Variants in MAP2K2 observed in about 807,000 individuals in gnomAD.
MAP2K2 encodes the protein mitogen-activated protein kinase kinase 2.
Under a neutral mutation model 43.7 loss-of-function variants are expected in MAP2K2, and 24 were observed. The observed-to-expected ratio is 0.55, with a 90% CI of 0.40 to 0.77. The LOEUF (loss-of-function observed/expected upper bound fraction) is 0.77, where lower values mean the gene tolerates loss of function less well. MAP2K2 is among the 30% of genes least tolerant of loss of function. The pLI is 0.00. For synonymous variants in MAP2K2, 244 were observed against 239.7 expected, an observed-to-expected ratio of 1.02 and a Z score of -0.17; for missense variants, 470 against 566.8, an observed-to-expected ratio of 0.83 and a Z score of 1.73.
intron 3 of MAP2K2, among the ~76,000 whole-genome samples, chr19:4,109,521 C>T (rs1350976878): frequency 6.6e-6 from 1 of 152,204 alleles, no homozygotes. Context: ...TCACTGTAGC[C>T]TCAACCTCCT....
intron 7 of MAP2K2, among the ~76,000 whole-genome samples, chr19:4,097,790 C>T (rs1485857395): frequency 6.6e-6 from 1 of 152,068 alleles, no homozygotes; most frequent in Non-Finnish European, 1.5e-5. Context: ...GGTGGCTGAC[C>T]CCTGTCTGAG....
intron 3 of MAP2K2, among the ~76,000 whole-genome samples, chr19:4,108,490 A>T (rs988716660): frequency 6.6e-6 from 1 of 150,930 alleles, no homozygotes. Flanking sequence ...CGATCTCCTG[A>T]ACTCGCCTCG....
Position 4,103,367 on chromosome 19 carries a change from G to A in MAP2K2, c.451-914C>T, listed in dbSNP as rs556886345. Reference sequence around the variant, plus strand: ...CAAATGCCAAAACCCCAGGCACTGGGAGCCACCCAAGGTGCCTCTTCAGAG... The same window carrying A: ...CAAATGCCAAAACCCCAGGCACTGGAAGCCACCCAAGGTGCCTCTTCAGAG... On this transcript the variant is annotated intron_variant, in intron 3 of 10. Coordinates refer to ENST00000262948, the MANE Select transcript of MAP2K2 (RefSeq NM_030662.4). The A allele has an allele frequency of 1.6e-5, 10 of 621,852 alleles. No homozygotes were observed. In the East Asian group the frequency reaches 1.3e-3, roughly 78 times the overall value. The allele number at this position is 621,852 out of a possible 1,614,324, so 38.5% of individuals were successfully genotyped here. A position where few individuals can be genotyped will look rare whatever the true frequency, so the allele number is the denominator to read the frequency against.
chr19:4,099,147 G>C (rs1457397337), intron 7 of MAP2K2, 54 bp downstream of exon 7: 21 of 1,465,916 alleles, frequency 1.4e-5, no homozygotes, highest in Non-Finnish European at 1.8e-5. Context: ...GGCACAGCAG[G>C]CCCCGCGCAG....
At position 4,099,366 on chromosome 19, in the gene MAP2K2, T is replaced by C; in HGVS notation, c.754A>G (p.Ser252Gly). ...THYSVQSDIW[S>G]MGLSLVELAV... ...AGCTCCACCAGGGACAGGCCCATGC[T>C]CCAGATGTCCGACTGCACCGAGTAA... The change falls in exon 7 of 11, where the codon AGC (serine) becomes GGC (glycine). Residue 252 changes from serine (S) to glycine (G), a missense_variant. Coordinates refer to ENST00000262948, the MANE Select transcript of MAP2K2 (RefSeq NM_030662.4). 6.2e-7 allele frequency: 1 copy of C among 1,611,708 alleles called. No individual in the cohort carries two copies. Among genetic ancestry groups the C allele is most frequent in the Non-Finnish European group, 8.5e-7 (1 of 1,179,326 alleles).
At chr19:4,102,273 C>G in intron 4 of MAP2K2, 103 bp downstream of exon 4, 1 of 1,027,670 alleles carries the variant, frequency 9.7e-7, no homozygotes, top group Non-Finnish European at 1.5e-6. Flanking sequence ...AGGGGCCACC[C>G]TAACCCCCAC....
intron 1 of MAP2K2, among the ~76,000 whole-genome samples, chr19:4,122,009 C>T (rs1172737748): frequency 1.4e-5 from 2 of 145,444 alleles, no homozygotes; most frequent in African/African-American, 5.2e-5. Context: ...CCCCCCTGCC[C>T]CACCTTGGCA....
intron 3 of MAP2K2, 114 bp from the exon 4 acceptor site, chr19:4,102,567 C>T: frequency 1.0e-6 from 1 of 972,526 alleles, no homozygotes; most frequent in South Asian, 1.4e-5. Context: ...GAAGCAGGGG[C>T]CGGAGCCCAA....
chr19:4,110,756 A>G, intron 2 of MAP2K2, 101 bp from the exon 3 acceptor site: 1 of 1,311,828 alleles, frequency 7.6e-7, no homozygotes, highest in East Asian at 2.4e-5. Flanking sequence ...AGTGGTCAAG[A>G]CCAACTCAGT....
rs11539506 is a variant in MAP2K2, at chr19:4,099,274, G to A, written c.846C>T (p.Pro282=). The change falls in exon 7 of 11, where the codon CCC becomes CCT. Residue 282 remains proline, a synonymous_variant. Transcript: ENST00000262948. ...GCTCTCCTTCTTCCCCGTCGACCAC[G>A]GGCCGGCCAAAGATGGCCTCCAGCT... ...AKELEAIFGR[P]VVDGEEGEPH... is the part of the protein sequence containing the mutation. The A allele has an allele frequency of 3.3e-3, 5,287 of 1,605,774 alleles. 17 individuals carry two copies. Among genetic ancestry groups the A allele is most frequent in the Admixed American group, 4.5e-3 (268 of 58,944 alleles).
rs1241301136 is a variant in MAP2K2 at position 4,123,892 on chromosome 19, G to A, written c.-17C>T. Reference sequence around the variant, plus strand: ...GGCCAGCATCGGGGCTCCGCGGGCCGGCGGCGGCGGCGCCTCTAGCCGGGG... The same window carrying A: ...GGCCAGCATCGGGGCTCCGCGGGCCAGCGGCGGCGGCGCCTCTAGCCGGGG... On this transcript the variant is annotated 5_prime_UTR_variant, in exon 1 of 11. Coordinates refer to ENST00000262948, the MANE Select transcript of MAP2K2 (RefSeq NM_030662.4). 3 of 1,373,208 alleles carry A rather than the reference G, an allele frequency of 2.2e-6. No individual in the cohort carries two copies. Among genetic ancestry groups the A allele is most frequent in the African/African-American group, 3.0e-5 (2 of 66,794 alleles). 85.1% of individuals were successfully genotyped at this position (1,373,208 alleles called of 1,614,324 possible). A position where few individuals can be genotyped will look rare whatever the true frequency, so the allele number is the denominator to read the frequency against.
intron 3 of MAP2K2, 121 bp downstream of exon 3, chr19:4,110,388 T>A: frequency 8.3e-7 from 1 of 1,209,642 alleles, no homozygotes; most frequent in Non-Finnish European, 1.2e-6. Context: ...TTGAGAAGGA[T>A]CCCCTGGAAG....
rs766415933 is a variant in MAP2K2 at position 4,101,962 on chromosome 19, C to T, written c.528+414G>A. 2.0e-4 allele frequency among the ~76,000 whole-genome samples: 30 copies of T among 152,258 alleles called. No individual in the cohort carries two copies. Among genetic ancestry groups the T allele is most frequent in the Middle Eastern group, 3.4e-3 (1 of 294 alleles). The stretch of plus-strand genomic sequence containing the variant: ...TGTGCTGGAGACCGGGCAGCAGAGA[C>T]GCCCTTGGCCCCGGTGACATTTCTA... On this transcript the variant is annotated intron_variant, in intron 4 of 10. Coordinates refer to ENST00000262948, the MANE Select transcript of MAP2K2 (RefSeq NM_030662.4). The surrounding 1 kb of genome is among the most constrained non-coding windows in gnomAD (Gnocchi z 6.3).
intron 3 of MAP2K2, chr19:4,102,942 C>T (rs2041035942): frequency 5.4e-6 from 6 of 1,112,370 alleles, no homozygotes; most frequent in Non-Finnish European, 6.6e-6. Flanking sequence ...GCGGGTGCTG[C>T]CCCGCGTGGG....
intron 1 of MAP2K2, among the ~76,000 whole-genome samples, chr19:4,122,685 T>C (rs112418786): frequency 6.7e-6 from 1 of 148,894 alleles, no homozygotes; most frequent in South Asian, 2.1e-4. Flanking sequence ...CCCCATCTTT[T>C]CCCCAAAGGG....
chr19:4,095,684 C>T (rs557729509), intron 8 of MAP2K2, among the ~76,000 whole-genome samples: 3 of 152,050 alleles, frequency 2.0e-5, no homozygotes, highest in Non-Finnish European at 4.4e-5. Context: ...ATCAACAGGA[C>T]AACCTCTCGA....
rs879819202 is a variant in MAP2K2, at chr19:4,094,484, G to T, written c.1061C>A (p.Pro354Gln). 1.3e-6 allele frequency: 2 copies of T among 1,570,186 alleles called. No individual in the cohort carries two copies. Among genetic ancestry groups the T allele is most frequent in the Admixed American group, 1.9e-5 (1 of 52,890 alleles). Residue 354 changes from proline to glutamine, a missense_variant, in exon 10 of 11, where the codon CCA becomes CAA. Around this residue, in one of 3 missense-constraint regions of MAP2K2, gnomAD observed 212 missense variants for 220.8 expected, o/e 0.96. Transcript: ENST00000262948. ...EFVNKCLIKN[P>Q]AERADLKMLT... The stretch of plus-strand genomic sequence containing the variant: ...CATCTTCAGGTCCGCCCGCTCCGCT[G>T]GGTTCTTGATGAGGCTGGGGGTTCC...
intron 2 of MAP2K2, among the ~76,000 whole-genome samples, chr19:4,110,924 C>T (rs1285672656): frequency 6.6e-6 from 1 of 152,204 alleles, no homozygotes; most frequent in Non-Finnish European, 1.5e-5. Flanking sequence ...CAACCCAGCG[C>T]AGCCCACCCC....
In MAP2K2 at chr19:4,101,334, T is replaced by G; in HGVS notation, c.529-54A>C. On this transcript the variant is annotated intron_variant, in intron 4 of 10. Coordinates refer to ENST00000262948, the MANE Select transcript of MAP2K2 (RefSeq NM_030662.4). This position sits in a 1 kb window ranked among gnomAD's most constrained non-coding sequence, Gnocchi z 6.3. ...GACAAGGCCACCAGGGCTTAGCTCC[T>G]GACCGAGCCCGGGGGTCAGAGCTGA... 3 of 1,541,158 alleles carry G rather than the reference T, an allele frequency of 1.9e-6. No individual in the cohort carries two copies. Among genetic ancestry groups the G allele is most frequent in the African/African-American group, 1.4e-5 (1 of 73,132 alleles).
Sources: gnomAD v4.1 joint callset for allele counts (sites outside exome capture counted in the v4.1 genomes callset) on GRCh38, gnomAD v4.1.1 for gene constraint, gnomAD v4.1.1 regional missense constraint, Gnocchi (gnomAD v3.1) non-coding constraint, MANE v1.5 for transcripts, NCBI Gene and HGNC (gene_info 2026-07-23, HGNC 2026-07-21) for gene names.